WDR59: variants seen among roughly 807,000 people sequenced by gnomAD.
WDR59 encodes the protein WD repeat domain 59.
In WDR59, 100 loss-of-function variants were observed where a neutral mutation model predicts 131.2. The ratio of observed to expected loss-of-function variants is 0.76; its 90% confidence interval spans 0.65 to 0.90. The LOEUF (loss-of-function observed/expected upper bound fraction) is 0.90. Ranked by LOEUF, WDR59 falls within the 40% of genes least tolerant of loss-of-function variation. The pLI is 0.00. For missense variants in WDR59, 1,203 were observed against 1,262.2 expected (o/e 0.95, Z 0.71); for synonymous variants, 601 against 466.2 (o/e 1.29, Z -3.72).
In WDR59 at chr16:74,985,029, G is replaced by C. The variant is rs1162110655; in HGVS notation, c.-12C>G. 1.3e-6 allele frequency: 2 copies of C among 1,564,150 alleles called. No homozygotes were observed. The highest frequency in any genetic ancestry group is 1.7e-6 in the Non-Finnish European group (2 of 1,153,982). On this transcript the variant is annotated 5_prime_UTR_variant, in exon 1 of 26. Coordinates refer to ENST00000262144, the MANE Select transcript of WDR59 (RefSeq NM_030581.4). Reference sequence around the variant, plus strand: ...CATCGCGCCGCCATCTCCCCCGCCCGGCCGCCGCGGCCCCAGGACGGCGCC... The same window carrying C: ...CATCGCGCCGCCATCTCCCCCGCCCCGCCGCCGCGGCCCCAGGACGGCGCC...
At chr16:74,936,341 A>G (rs971391636) in intron 8 of WDR59, among the ~76,000 whole-genome samples, 1 of 152,008 alleles carries the variant, frequency 6.6e-6, no homozygotes, top group Non-Finnish European at 1.5e-5. Context: ...ATATAAAGAA[A>G]AAATATATAA....
chr16:74,949,876 T>G, intron 4 of WDR59, 78 bp from the exon 5 acceptor site: 1 of 1,284,876 alleles, frequency 7.8e-7, no homozygotes, highest in Non-Finnish European at 1.1e-6. Context: ...GCACATCGAG[T>G]CTCCAGTGGC....
rs2033892291 is a variant in WDR59, at chr16:74,969,345, T to A, written c.55-3523A>T. Among the ~76,000 whole-genome samples, 3 of 151,464 alleles carry A rather than the reference T, an allele frequency of 2.0e-5. No homozygotes were observed. The South Asian group carries it at 6.3e-4, about 32-fold the overall frequency. On this transcript the variant is annotated intron_variant, in intron 1 of 25. Transcript: ENST00000262144. ...TGGAGTGCAATGGCACGATCTTGGCTCACTGCAACCTCCACCTCCCAGGTT... is the reference window on the plus strand; with the variant it reads ...TGGAGTGCAATGGCACGATCTTGGCACACTGCAACCTCCACCTCCCAGGTT...
At chr16:74,953,733 G>T (rs1264058006) in intron 3 of WDR59, among the ~76,000 whole-genome samples, 1 of 151,872 alleles carries the variant, frequency 6.6e-6, no homozygotes, top group African/African-American at 2.4e-5. Flanking sequence ...CGGGCGTGGT[G>T]TCTCATGCCT....
chr16:74,950,113 G>A (rs1358072371), intron 4 of WDR59, among the ~76,000 whole-genome samples: 5 of 152,018 alleles, frequency 3.3e-5, no homozygotes, highest in East Asian at 1.9e-4. Flanking sequence ...AGGCTGAGGC[G>A]GGCAGATCAC....
intron 25 of WDR59, among the ~76,000 whole-genome samples, chr16:74,877,038 A>C (rs1312494372): frequency 6.6e-6 from 1 of 152,064 alleles, no homozygotes; most frequent in Non-Finnish European, 1.5e-5. Flanking sequence ...ATTGCAAAGC[A>C]GATACCACTT....
chr16:74,920,932 G>T (rs530772582), intron 10 of WDR59, among the ~76,000 whole-genome samples: 1 of 152,138 alleles, frequency 6.6e-6, no homozygotes, highest in South Asian at 2.1e-4. Context: ...GGAAGGGAGG[G>T]GATGGTGACC....
intron 8 of WDR59, among the ~76,000 whole-genome samples, chr16:74,925,330 G>C (rs367973218): frequency 3.1e-4 from 47 of 152,284 alleles, no homozygotes; most frequent in African/African-American, 9.6e-4. Flanking sequence ...GATCACTTGA[G>C]GTCAGGAGTT....
At chr16:74,962,434 A>C (rs952570254) in intron 2 of WDR59, among the ~76,000 whole-genome samples, 1 of 152,036 alleles carries the variant, frequency 6.6e-6, no homozygotes, top group Admixed American at 6.6e-5. Flanking sequence ...ATGTTTTGCT[A>C]TTTGTTTCTG....
At chr16:74,968,816 C>T (rs539993328) in intron 1 of WDR59, among the ~76,000 whole-genome samples, 1 of 152,244 alleles carries the variant, frequency 6.6e-6, no homozygotes, top group African/African-American at 2.4e-5. Flanking sequence ...AAAACTACCA[C>T]CACAACACCA....
At chr16:74,978,043 C>T (rs1044451138) in intron 1 of WDR59, among the ~76,000 whole-genome samples, 1 of 151,760 alleles carries the variant, frequency 6.6e-6, no homozygotes, top group Non-Finnish European at 1.5e-5. Context: ...ATTCCACCCC[C>T]ACAAAAAATT....
At chr16:74,930,922 G>C (rs945117498) in intron 8 of WDR59, 2 of 127,104 alleles carry the variant, frequency 1.6e-5, no homozygotes, top group Non-Finnish European at 3.4e-5. Flanking sequence ...AAACAGAAAA[G>C]AAAAGAAAAG....
rs116230305 is a variant in WDR59, at chr16:74,922,013, G to C, written c.820C>G (p.Pro274Ala). The C allele has an allele frequency of 1.4e-3, 2,276 of 1,614,140 alleles. 28 individuals carry two copies. The African/African-American group carries it at 0.026, about 18-fold the overall frequency. Residue 274 changes from proline to alanine, a missense_variant, in exon 10 of 26, where the codon CCA becomes GCA. Physicochemically the swap from Pro to Ala is conservative, Grantham distance 27 (BLOSUM62 -1). Transcript: ENST00000262144. ...TCATGCCCCACGAAGGTGTGGACTGGGGTGTTCAAGTCAAAGACATTCCAC... is the reference window on the plus strand; with the variant it reads ...TCATGCCCCACGAAGGTGTGGACTGCGGTGTTCAAGTCAAAGACATTCCAC... Reference protein sequence around the residue: ...LLWNVFDLNTPVHTFVGHDDV... With the variant: ...LLWNVFDLNTAVHTFVGHDDV...
chr16:74,905,877 A>T (rs369420926), intron 17 of WDR59, among the ~76,000 whole-genome samples: 19 of 152,220 alleles, frequency 1.2e-4, no homozygotes, highest in African/African-American at 4.6e-4. Context: ...AATAGATAAC[A>T]ACCAGAAACA....
chr16:74,891,903 G>A (rs757661451), intron 20 of WDR59, among the ~76,000 whole-genome samples: 21 of 152,136 alleles, frequency 1.4e-4, no homozygotes, highest in Non-Finnish European at 2.5e-4. Flanking sequence ...TAGCCTGGGC[G>A]ACAGAGTGAA....
chr16:74,913,486 T>C (rs113386466), intron 13 of WDR59, among the ~76,000 whole-genome samples: 1 of 152,112 alleles, frequency 6.6e-6, no homozygotes, highest in African/African-American at 2.4e-5. Flanking sequence ...AGATGGGGTT[T>C]CGCCATGTTG....
chr16:74,898,812 T>C (rs753411484), intron 18 of WDR59, among the ~76,000 whole-genome samples: 1 of 152,170 alleles, frequency 6.6e-6, no homozygotes, highest in Non-Finnish European at 1.5e-5. Flanking sequence ...GCAGGGACTT[T>C]TGGACAATCA....
chr16:74,965,192 G>C (rs1203652697), intron 2 of WDR59, among the ~76,000 whole-genome samples: 2 of 152,178 alleles, frequency 1.3e-5, no homozygotes, highest in Non-Finnish European at 2.9e-5. Context: ...GGCCATGCCT[G>C]GCTTGATTAT....
At chr16:74,944,917 A>G (rs2032500360) in intron 6 of WDR59, among the ~76,000 whole-genome samples, 1 of 152,048 alleles carries the variant, frequency 6.6e-6, no homozygotes, top group South Asian at 2.1e-4. Flanking sequence ...CAAAGTCAGG[A>G]GTTAGAGACC....
Sources: gnomAD v4.1 joint callset for allele counts (sites outside exome capture counted in the v4.1 genomes callset) on GRCh38, gnomAD v4.1.1 for gene constraint, MANE v1.5 for transcripts, NCBI Gene and HGNC (gene_info 2026-07-23, HGNC 2026-07-21) for gene names.